The following CFAP54 variants were observed in gnomAD, a reference collection of about 807,000 sequenced individuals.
The protein encoded by CFAP54 is cilia and flagella associated protein 54.
In CFAP54, 290 loss-of-function variants were observed where a neutral mutation model predicts 370.4. The ratio of observed to expected loss-of-function variants is 0.78; its 90% confidence interval spans 0.71 to 0.86. The LOEUF is 0.86. Ranked by LOEUF, CFAP54 falls within the 40% of genes least tolerant of loss-of-function variation. The pLI, the probability that CFAP54 is intolerant of heterozygous loss-of-function variation, is 0.00. For synonymous variants in CFAP54, 1,206 were observed against 1,236.5 expected (o/e 0.98, Z 0.52); for missense variants, 3,399 against 3,528.7 (o/e 0.96, Z 0.93).
At chr12:96,587,435 G>A (rs1276720300) in intron 22 of CFAP54, among the ~76,000 whole-genome samples, 1 of 152,100 alleles carries the variant, frequency 6.6e-6, no homozygotes, top group African/African-American at 2.4e-5. Flanking sequence ...GGTATCTACT[G>A]TACTTAATTA....
chr12:96,831,636 G>T (rs181763255), intron 66 of CFAP54, among the ~76,000 whole-genome samples: 2 of 152,300 alleles, frequency 1.3e-5, no homozygotes, highest in East Asian at 3.9e-4. Context: ...CTTCTCTGAG[G>T]AAGTGACATT....
intron 63 of CFAP54, among the ~76,000 whole-genome samples, chr12:96,801,823 A>T (rs573748287): frequency 6.6e-6 from 1 of 152,308 alleles, no homozygotes; most frequent in South Asian, 2.1e-4. Flanking sequence ...GGAGGGAATC[A>T]TTGCTGCTAC....
At chr12:96,660,585 G>GA (rs1445861362) in intron 38 of CFAP54, among the ~76,000 whole-genome samples, 1 of 152,124 alleles carries the variant, frequency 6.6e-6, no homozygotes, top group East Asian at 1.9e-4. Context: ...CTCTGGAGGG[G>GA]AAAAAATAAA....
At chr12:96,746,568 C>T (rs1958116219) in intron 55 of CFAP54, among the ~76,000 whole-genome samples, 1 of 152,168 alleles carries the variant, frequency 6.6e-6, no homozygotes. Flanking sequence ...TTTCCATCTC[C>T]CTCTCTGGTT....
chr12:96,677,950 A>G (rs1404980701), intron 39 of CFAP54, among the ~76,000 whole-genome samples: 2 of 152,090 alleles, frequency 1.3e-5, no homozygotes, highest in Non-Finnish European at 2.9e-5. Flanking sequence ...AACTTTCTTT[A>G]GGCTCATTCC....
chr12:96,570,320 T>C lies in CFAP54; in HGVS notation c.2619+5555T>C, dbSNP rs115548331. 5.2e-3 allele frequency among the ~76,000 whole-genome samples: 789 copies of C among 151,680 alleles called. 6 individuals are homozygous for C. The highest frequency in any genetic ancestry group is 0.018 in the African/African-American group (734 of 41,454). The stretch of plus-strand genomic sequence containing the variant: ...CTCAAGTCTTTTTTTCTTTTCTTTT[T>C]TTTTTTTTTTAAATCAATGAGCCAA... On this transcript the variant is annotated intron_variant, in intron 19 of 67. Transcript: ENST00000524981.
chr12:96,500,918 AGAT>A lies in CFAP54; in HGVS notation c.403_405del (p.Asp135del). ...ACAACGAAAAGCTTCTGAAGGTTGGAGATAGCCTTTGTCAAATGAAAGTAAGTG... is the reference window on the plus strand; with the variant it reads ...ACAACGAAAAGCTTCTGAAGGTTGGAAGCCTTTGTCAAATGAAAGTAAGTG... On this transcript the variant is annotated inframe_deletion, in exon 2 of 68. Coordinates refer to ENST00000524981, the MANE Select transcript of CFAP54 (RefSeq NM_001306084.2). 2 of 1,535,060 alleles carry A rather than the reference AGAT, an allele frequency of 1.3e-6. No individual in the cohort carries two copies.
Position 96,784,819 on chromosome 12 carries a change from A to G in CFAP54, c.8384A>G (p.Asp2795Gly), listed in dbSNP as rs1480643502. Residue 2795 changes from aspartate (D) to glycine (G), a missense_variant, in exon 61 of 68, where the codon GAT becomes GGT. Asp to Gly is a moderately conservative substitution (Grantham distance 94). Coordinates refer to ENST00000524981, the MANE Select transcript of CFAP54 (RefSeq NM_001306084.2). ...DGRKKTQTKV[D>G]ITWILLLRYY... is the part of the protein sequence containing the mutation. ...AGAAAAAAGACTCAGACCAAAGTGG[A>G]TATTACATGGATCCTTCTACTGCGC... 1 of 1,534,496 alleles carries G rather than the reference A, an allele frequency of 6.5e-7. No homozygotes were observed. The highest frequency in any genetic ancestry group is 8.7e-7 in the Non-Finnish European group (1 of 1,145,886).
Position 96,564,698 on chromosome 12 carries a change from T to G in CFAP54, c.2552T>G (p.Leu851Ter), listed in dbSNP as rs891062341. 5.2e-5 allele frequency: 33 copies of G among 635,788 alleles called. No individual in the cohort carries two copies. Among genetic ancestry groups the G allele is most frequent in the Non-Finnish European group, 8.0e-5 (29 of 360,936 alleles). The allele number at this position is 635,788 out of a possible 1,614,324, so 39.4% of individuals were successfully genotyped here. A position where few individuals can be genotyped will look rare whatever the true frequency, so the allele number is the denominator to read the frequency against. The change falls in exon 19 of 68, where the codon TTA becomes TGA. Residue 851 changes from leucine (L) to a stop codon, truncating the protein, a stop_gained. Coordinates refer to ENST00000524981, the MANE Select transcript of CFAP54 (RefSeq NM_001306084.2). LOFTEE classifies it high-confidence loss of function. ...KKNTLSKAIYLMQKALLIFEK... is the reference protein window; with the variant it reads ...KKNTLSKAIY Reference sequence around the variant, plus strand: ...AATACATTATCCAAAGCAATTTACTTAATGCAGAAAGCTCTTTTAATATTC... The same window carrying G: ...AATACATTATCCAAAGCAATTTACTGAATGCAGAAAGCTCTTTTAATATTC...
chr12:96,603,193 T>G (rs913500986), intron 26 of CFAP54, among the ~76,000 whole-genome samples: 6 of 152,210 alleles, frequency 3.9e-5, no homozygotes, highest in African/African-American at 1.4e-4. Context: ...CTGTAAGGGA[T>G]TTCATTTCTC....
At chr12:96,823,531 A>G (rs763622375) in intron 65 of CFAP54, among the ~76,000 whole-genome samples, 71 of 152,208 alleles carry the variant, frequency 4.7e-4, no homozygotes, top group Non-Finnish European at 1.0e-4. Flanking sequence ...CTGTTGTGGC[A>G]GAAGTACAGG....
In CFAP54 at chr12:96,767,311, T is replaced by C. The variant is rs118098568; in HGVS notation, c.8281+2093T>C. On this transcript the variant is annotated intron_variant, in intron 60 of 67. Transcript: ENST00000524981. ...ACACGAAAAAGGTGCTGTGATTAAT[T>C]AATGATGTCAGCCAGGGGCACACAG... is the stretch of plus-strand genomic sequence containing the variant. Among the ~76,000 whole-genome samples the C allele has an allele frequency of 1.8e-3, 268 of 152,344 alleles. 5 individuals carry two copies. In the East Asian group the frequency reaches 0.045, roughly 26 times the overall value.
At chr12:96,698,412 A>G (rs1425759874) in intron 45 of CFAP54, among the ~76,000 whole-genome samples, 2 of 152,224 alleles carry the variant, frequency 1.3e-5, no homozygotes, top group Non-Finnish European at 2.9e-5. Context: ...AATAGCAAAG[A>G]CATGAAATAA....
At chr12:96,586,115 A>C (rs1956074358) in intron 22 of CFAP54, among the ~76,000 whole-genome samples, 1 of 152,216 alleles carries the variant, frequency 6.6e-6, no homozygotes, top group Admixed American at 6.5e-5. Flanking sequence ...GCATTGCCCC[A>C]GGTTAGTGAC....
At chr12:96,826,495 A>G (rs1385197360) in intron 65 of CFAP54, among the ~76,000 whole-genome samples, 16 of 110,822 alleles carry the variant, frequency 1.4e-4, no homozygotes, top group African/African-American at 5.3e-4. Context: ...ATAATATATA[A>G]TATATATCAT....
At chr12:96,811,905 T>C in intron 64 of CFAP54, 63 bp downstream of exon 64, 4 of 995,638 alleles carry the variant, frequency 4.0e-6, no homozygotes, top group Non-Finnish European at 5.7e-6. Context: ...ATAGACTCTT[T>C]CAGTAATTGG....
Position 96,817,852 on chromosome 12 carries a change from C to G in CFAP54, c.9035C>G (p.Thr3012Ser). The G allele has an allele frequency of 6.6e-7, 1 of 1,512,876 alleles. No homozygotes were observed. Among genetic ancestry groups the G allele is most frequent in the Non-Finnish European group, 8.8e-7 (1 of 1,133,326 alleles). 93.7% of individuals were successfully genotyped at this position (1,512,876 alleles called of 1,614,324 possible). ...ELSLPAAPEI[T>S]SNENIYEVEV... Reference sequence around the variant, plus strand: ...TCATTGCCAGCAGCTCCTGAAATTACCTCAAATGAAAACATATATGAAGTA... The same window carrying G: ...TCATTGCCAGCAGCTCCTGAAATTAGCTCAAATGAAAACATATATGAAGTA... The change falls in exon 65 of 68, where the codon ACC (threonine) becomes AGC (serine). Residue 3012 changes from threonine (T) to serine (S), a missense_variant. Thr to Ser is a moderately conservative substitution (Grantham distance 58). Around this residue, in one of 3 missense-constraint regions of CFAP54, gnomAD observed 2,796 missense variants for 2,869.7 expected, o/e 0.97. Transcript: ENST00000524981.
chr12:96,713,170 A>G (rs899047399), intron 48 of CFAP54, among the ~76,000 whole-genome samples: 1 of 152,218 alleles, frequency 6.6e-6, no homozygotes, highest in Non-Finnish European at 1.5e-5. Context: ...TGTATTATCC[A>G]GAAATCTTTT....
chr12:96,651,341 T>C (rs1956855341), intron 35 of CFAP54, among the ~76,000 whole-genome samples: 1 of 152,214 alleles, frequency 6.6e-6, no homozygotes, highest in Non-Finnish European at 1.5e-5. Flanking sequence ...GCTGAACCCA[T>C]GACTCCATTT....
Sources: allele counts gnomAD v4.1 joint callset (sites outside exome capture counted in the v4.1 genomes callset), GRCh38; gene constraint gnomAD v4.1.1; regional missense constraint gnomAD v4.1.1; transcripts MANE v1.5; gene names NCBI Gene and HGNC (gene_info 2026-07-23, HGNC 2026-07-21).